The following MTAP variants were observed in gnomAD, a reference collection of about 807,000 sequenced individuals.
The protein encoded by MTAP is methylthioadenosine phosphorylase, also known as S-methyl-5'-thioadenosine phosphorylase.
A neutral mutation model predicts 33.6 loss-of-function variants in MTAP; 33 were observed. That is an observed-to-expected ratio of 0.98 (90% CI 0.74 to 1.31). MTAP has a LOEUF of 1.31. Among genes scored for constraint, MTAP ranks in the 40% most tolerant of loss-of-function variants. The pLI, the probability that MTAP is intolerant of heterozygous loss-of-function variation, is 0.00. For missense variants in MTAP, 367 were observed against 360.0 expected, an observed-to-expected ratio of 1.02 and a Z score of -0.16; for synonymous variants, 148 against 125.7, an observed-to-expected ratio of 1.18 and a Z score of -1.19.
intron 5 of MTAP, among the ~76,000 whole-genome samples, chr9:21,841,600 A>C (rs1345275860): frequency 6.6e-6 from 1 of 152,198 alleles, no homozygotes; most frequent in Non-Finnish European, 1.5e-5. Context: ...ATCACATCGC[A>C]GTACTCATTG....
rs149977333 is a variant in MTAP at position 21,879,551 on chromosome 9, A to G, written c.147+24681A>G. Among the ~76,000 whole-genome samples the G allele has an allele frequency of 1.6e-3, 250 of 152,190 alleles. 1 individual carries two copies. Among genetic ancestry groups the G allele is most frequent in the African/African-American group, 5.8e-3 (239 of 41,542 alleles). ...TAAGTGGGGCATTTAGCTTGTTTAC[A>G]TTCAAGGTTAGTATCAATATGTGTG... On this transcript the variant is annotated intron_variant, in intron 1 of 1. Coordinates refer to the MTAP transcript ENST00000577563.
chr9:21,850,397 T>G (rs1825482737), intron 5 of MTAP, among the ~76,000 whole-genome samples: 1 of 152,202 alleles, frequency 6.6e-6, no homozygotes, highest in East Asian at 1.9e-4. Flanking sequence ...TGTGTTACTC[T>G]GGCCCATCTA....
chr9:21,851,759 G>A (rs1395372093), intron 5 of MTAP, among the ~76,000 whole-genome samples: 1 of 152,122 alleles, frequency 6.6e-6, no homozygotes, highest in African/African-American at 2.4e-5. Context: ...CCTTAATCTG[G>A]GTGGGTACAA....
At chr9:21,869,774 C>G (rs1825909527), downstream of MTAP, among the ~76,000 whole-genome samples, 2 of 152,210 alleles carry the variant, frequency 1.3e-5, no homozygotes, top group African/African-American at 2.4e-5. Flanking sequence ...CTGAGCCACT[C>G]TCATCTCACC....
At chr9:21,848,298 T>C (rs934884386) in intron 5 of MTAP, among the ~76,000 whole-genome samples, 5 of 152,056 alleles carry the variant, frequency 3.3e-5, no homozygotes, top group African/African-American at 9.7e-5. Flanking sequence ...TGTGCTACAC[T>C]CAAAAAGAAC....
chr9:21,902,051 G>A (rs1342801435), intron 1 of MTAP, among the ~76,000 whole-genome samples: 1 of 152,166 alleles, frequency 6.6e-6, no homozygotes, highest in African/African-American at 2.4e-5. Flanking sequence ...GTTCCTACAG[G>A]CAAGGAACAG....
intron 7 of MTAP, 169 bp downstream of exon 7, chr9:21,859,594 G>C: frequency 3.0e-6 from 2 of 666,390 alleles, no homozygotes; most frequent in East Asian, 6.4e-5. Context: ...AAACTGAGTA[G>C]TCTTATTTTC....
chr9:21,818,512 G>A (rs1283382464), intron 4 of MTAP, among the ~76,000 whole-genome samples: 1 of 151,802 alleles, frequency 6.6e-6, no homozygotes, highest in East Asian at 1.9e-4. Context: ...ATTTTTAGTA[G>A]AGATGGAGTT....
Position 21,865,374 on chromosome 9 carries a change from A to G in MTAP, c.*3360A>G. 1.1e-6 allele frequency: 1 copy of G among 920,350 alleles called. No homozygotes were observed. 57.0% of individuals were successfully genotyped at this position (920,350 alleles called of 1,614,324 possible). Reference sequence around the variant, plus strand: ...CTATGTGGAACTGTGAGTTAATTAAACCTCTTTCCTTTATAAATTACCCAG... The same window carrying G: ...CTATGTGGAACTGTGAGTTAATTAAGCCTCTTTCCTTTATAAATTACCCAG... On this transcript the variant is annotated 3_prime_UTR_variant, in exon 8 of 8. Coordinates refer to ENST00000644715, the MANE Select transcript of MTAP (RefSeq NM_002451.4).
intron 5 of MTAP, among the ~76,000 whole-genome samples, chr9:21,844,261 A>G (rs1204241218): frequency 6.6e-6 from 1 of 152,164 alleles, no homozygotes; most frequent in Non-Finnish European, 1.5e-5. Context: ...CAAAGAAAAC[A>G]TCCAAGACCA....
chr9:21,923,751 C>G (rs954077390), intron 1 of MTAP, among the ~76,000 whole-genome samples: 3 of 152,072 alleles, frequency 2.0e-5, no homozygotes, highest in African/African-American at 7.2e-5. Flanking sequence ...CAGCCTCTTG[C>G]AGCAGTTGGC....
chr9:21,898,215 T>A (rs1174943204), intron 1 of MTAP, among the ~76,000 whole-genome samples: 1 of 152,196 alleles, frequency 6.6e-6, no homozygotes, highest in Non-Finnish European at 1.5e-5. Context: ...TCCTTACACC[T>A]TATGCAAAAA....
chr9:21,925,058 C>T (rs1818847385), intron 1 of MTAP, among the ~76,000 whole-genome samples: 2 of 152,218 alleles, frequency 1.3e-5, no homozygotes. Context: ...CCTGTATGGG[C>T]CACCACAGTT....
chr9:21,921,937 C>A (rs1203771984), intron 1 of MTAP, among the ~76,000 whole-genome samples: 1 of 152,032 alleles, frequency 6.6e-6, no homozygotes, highest in Non-Finnish European at 1.5e-5. Context: ...GAAGAAAAGC[C>A]CATCCCCCAC....
intron 5 of MTAP, among the ~76,000 whole-genome samples, chr9:21,841,040 C>A (rs990863926): frequency 1.3e-5 from 2 of 152,084 alleles, no homozygotes; most frequent in Non-Finnish European, 2.9e-5. Flanking sequence ...GAACATAAAC[C>A]CAGTGGCCTG....
Position 21,822,757 on chromosome 9 carries a change from G to A in MTAP, c.347+4555G>A, listed in dbSNP as rs192805784. Among the ~76,000 whole-genome samples, 3 of 152,236 alleles carry A rather than the reference G, an allele frequency of 2.0e-5. No homozygotes were observed. The East Asian group carries it at 5.8e-4, about 29-fold the overall frequency. ...TTAAAGTCTCCCATTATTATTGTGT[G>A]GGAGTCTAAGTCTCTTTGTAGATCT... On this transcript the variant is annotated intron_variant, in intron 4 of 7. Transcript: ENST00000644715.
chr9:21,811,638 T>G, intron 1 of MTAP: 1 of 516,958 alleles, frequency 1.9e-6, no homozygotes, highest in Non-Finnish European at 4.0e-6. Flanking sequence ...ACCTCCTCCT[T>G]GGCTCACTCA....
chr9:21,913,747 G>A (rs1818625852), intron 1 of MTAP, among the ~76,000 whole-genome samples: 2 of 152,126 alleles, frequency 1.3e-5, no homozygotes, highest in African/African-American at 4.8e-5. Context: ...AACACCAAAA[G>A]CAATGGCAAC....
rs1177131239 is a variant in MTAP at position 21,879,800 on chromosome 9, C to T, written c.147+24930C>T. ...TCTCCTTTGCTTAGGAAGCTTAGTT[C>T]GGCTGGATATGAAATTCTCAGTGGA... On this transcript the variant is annotated intron_variant, in intron 1 of 1. Transcript: ENST00000577563. Among the ~76,000 whole-genome samples, 10 of 152,040 alleles carry T rather than the reference C, an allele frequency of 6.6e-5. No homozygotes were observed. In the East Asian group the frequency reaches 7.7e-4, roughly 12 times the overall value.
Sources: allele counts gnomAD v4.1 joint callset (sites outside exome capture counted in the v4.1 genomes callset), GRCh38; gene constraint gnomAD v4.1.1; transcripts MANE v1.5; gene names NCBI Gene and HGNC (gene_info 2026-07-23, HGNC 2026-07-21).